The following CHM variants were observed in gnomAD, a reference collection of about 807,000 sequenced individuals.
The protein encoded by CHM is rab proteins geranylgeranyltransferase component A 1.
A neutral mutation model predicts 49.0 loss-of-function variants in CHM; 10 were observed. The observed-to-expected ratio is 0.20, with a 90% confidence interval of 0.13 to 0.35. CHM has a LOEUF of 0.35. Among genes scored for constraint, CHM ranks in the 10% least tolerant of loss-of-function variants. The pLI is 1.00. For missense variants in CHM, 455 were observed against 478.4 expected, an observed-to-expected ratio of 0.95 and a Z score of 0.46; for synonymous variants, 184 against 167.5, an observed-to-expected ratio of 1.10 and a Z score of -0.76.
At chrX:85,947,052 ATTTTATAGGCC>A (rs1287384244) in intron 8 of CHM, among the ~76,000 whole-genome samples, 2 of 112,316 alleles carry the variant, frequency 1.8e-5, no homozygotes. Context: ...ACTTGTTTTG[ATTTTATAGGCC>A]CAGAGGTGGA....
rs5968738 is a variant in CHM, at chrX:85,949,980, T to A, written c.1166+6173A>T. Among the ~76,000 whole-genome samples the A allele has an allele frequency of 9.6e-3, 215 of 22,342 alleles. 3 individuals are homozygous for A. The highest frequency in any genetic ancestry group is 0.011 in the Non-Finnish European group (127 of 11,567). The allele number at this position is 22,342 out of a possible 115,157, so 19.4% of individuals were successfully genotyped here. On this transcript the variant is annotated intron_variant, in intron 8 of 14. Coordinates refer to ENST00000357749, the MANE Select transcript of CHM (RefSeq NM_000390.4). ...TTGAGCAATAAACACTGAAATTAAA[T>A]ATATATATATATATATATATATATA...
chrX:86,004,609 A>G (rs1211384213), intron 2 of CHM, among the ~76,000 whole-genome samples: 1 of 112,083 alleles, frequency 8.9e-6, no homozygotes, highest in East Asian at 2.8e-4. Context: ...CAGGGTTTGC[A>G]ATTCTAGTCT....
At chrX:85,938,082 T>C (rs1301996004) in intron 8 of CHM, among the ~76,000 whole-genome samples, 1 of 111,816 alleles carries the variant, frequency 8.9e-6, no homozygotes, top group East Asian at 2.8e-4. Context: ...AAGCATTCCA[T>C]TGCTTTATTA....
intron 8 of CHM, among the ~76,000 whole-genome samples, chrX:85,925,476 C>A (rs1044791837): frequency 9.0e-6 from 1 of 111,304 alleles, no homozygotes; most frequent in African/African-American, 3.3e-5. Context: ...GATACCTAAG[C>A]AAATTCATTC....
At chrX:86,031,410 GAGGAAT>G (rs1934038715) in intron 1 of CHM, among the ~76,000 whole-genome samples, 1 of 111,990 alleles carries the variant, frequency 8.9e-6, no homozygotes, top group Non-Finnish European at 1.9e-5. Context: ...TTGAGCCTCT[GAGGAAT>G]AGGGAGTCTT....
chrX:85,897,882 G>A (rs1046980799), intron 11 of CHM, among the ~76,000 whole-genome samples: 4 of 111,252 alleles, frequency 3.6e-5, no homozygotes, highest in African/African-American at 1.3e-4. Flanking sequence ...GTAGTGAAAG[G>A]ACATGACAAC....
At chrX:85,978,319 T>C (rs986703167) in intron 4 of CHM, among the ~76,000 whole-genome samples, 1 of 111,704 alleles carries the variant, frequency 9.0e-6, no homozygotes, top group African/African-American at 3.3e-5. Flanking sequence ...AGAAAGATGA[T>C]ATAGTTGGAA....
intron 12 of CHM, among the ~76,000 whole-genome samples, chrX:85,887,861 G>A (rs776217204): frequency 9.0e-6 from 1 of 111,267 alleles, no homozygotes; most frequent in Non-Finnish European, 1.9e-5. Context: ...GATGATTTAC[G>A]GTATCTGGTG....
At chrX:86,012,339 G>A (rs1007779455) in intron 2 of CHM, among the ~76,000 whole-genome samples, 4 of 111,909 alleles carry the variant, frequency 3.6e-5, no homozygotes, top group Non-Finnish European at 5.6e-5. Context: ...CTCATTATCT[G>A]AGGAATTTAA....
intron 2 of CHM, among the ~76,000 whole-genome samples, chrX:86,012,531 C>G (rs764640209): frequency 9.0e-5 from 10 of 111,675 alleles, no homozygotes; most frequent in African/African-American, 3.3e-4. Context: ...CATGTTGAAA[C>G]TCATTTTACA....
chrX:85,942,514 T>C (rs1310179352), intron 8 of CHM, among the ~76,000 whole-genome samples: 1 of 111,883 alleles, frequency 8.9e-6, no homozygotes, highest in Non-Finnish European at 1.9e-5. Context: ...CAAGGTCTTA[T>C]GGATGCTAGA....
chrX:86,041,734 A>ATGT (rs1569264338), intron 1 of CHM, among the ~76,000 whole-genome samples: 24 of 28,777 alleles, frequency 8.3e-4, no homozygotes, highest in African/African-American at 2.5e-3. Context: ...GTGTATATAT[A>ATGT]TATATATATA....
chrX:86,010,905 C>A (rs1279383431), intron 2 of CHM, among the ~76,000 whole-genome samples: 2 of 111,569 alleles, frequency 1.8e-5, no homozygotes, highest in African/African-American at 6.5e-5. Context: ...GGGCTCACCT[C>A]AACTTTCTCA....
rs80180380 is a variant in CHM, at chrX:85,897,381, G to A, written c.1414-3097C>T. 3.2e-3 allele frequency among the ~76,000 whole-genome samples: 334 copies of A among 104,340 alleles called. 2 individuals are homozygous for A. In the East Asian group the frequency reaches 0.049, roughly 15 times the overall value. 90.6% of individuals were successfully genotyped at this position (104,340 alleles called of 115,157 possible). Reference sequence around the variant, plus strand: ...TAAAAAAAATGTTGCCAGCAGCAGTGGGGAGAGGCTGAAGATACAGGAGAG... The same window carrying A: ...TAAAAAAAATGTTGCCAGCAGCAGTAGGGAGAGGCTGAAGATACAGGAGAG... On this transcript the variant is annotated intron_variant, in intron 11 of 14. Transcript: ENST00000357749.
chrX:85,964,695 T>C (rs1365135284), intron 4 of CHM, among the ~76,000 whole-genome samples: 1 of 112,242 alleles, frequency 8.9e-6, no homozygotes, highest in East Asian at 2.8e-4. Context: ...ATGTGGTATC[T>C]AATAGGACCT....
In CHM at chrX:86,022,726, T is replaced by G. The variant is rs761660389; in HGVS notation, c.116+4765A>C. Among the ~76,000 whole-genome samples, 6 of 111,308 alleles carry G rather than the reference T, an allele frequency of 5.4e-5. No individual in the cohort carries two copies. In the South Asian group the frequency reaches 2.3e-3, roughly 42 times the overall value. On this transcript the variant is annotated intron_variant, in intron 2 of 14. Coordinates refer to ENST00000357749, the MANE Select transcript of CHM (RefSeq NM_000390.4). Reference sequence around the variant, plus strand: ...CTAGATCTTCCACTCAGGCTCCTTATACACATACCCACATACACATACACA... The same window carrying G: ...CTAGATCTTCCACTCAGGCTCCTTAGACACATACCCACATACACATACACA...
intron 4 of CHM, 148 bp from the exon 5 acceptor site, chrX:85,964,200 A>G (rs2147676808): frequency 1.9e-6 from 1 of 534,886 alleles, no homozygotes; most frequent in East Asian, 3.7e-5. Context: ...CAAAATTAAG[A>G]TTTGAAAGAT....
intron 8 of CHM, among the ~76,000 whole-genome samples, chrX:85,939,521 T>A (rs991032093): frequency 1.8e-5 from 2 of 112,279 alleles, no homozygotes; most frequent in African/African-American, 6.5e-5. Flanking sequence ...TTCTTTAAAG[T>A]ATGCATATAT....
intron 2 of CHM, among the ~76,000 whole-genome samples, chrX:85,991,549 T>C (rs1436826757): frequency 1.8e-5 from 2 of 111,594 alleles, no homozygotes; most frequent in East Asian, 2.8e-4. Flanking sequence ...CTATTATTAA[T>C]AGGTCTCCCA....
Sources: allele counts gnomAD v4.1 joint callset (sites outside exome capture counted in the v4.1 genomes callset), GRCh38; gene constraint gnomAD v4.1.1; transcripts MANE v1.5; gene names NCBI Gene and HGNC (gene_info 2026-07-23, HGNC 2026-07-21).